GPRC5A: variants seen among roughly 807,000 people sequenced by gnomAD.
GPRC5A encodes retinoic acid-induced protein 3.
Under a neutral mutation model 22.5 loss-of-function variants are expected in GPRC5A, and 19 were observed. The ratio of observed to expected loss-of-function variants is 0.85; its 90% CI spans 0.59 to 1.24. GPRC5A has a LOEUF of 1.24. Ranked by LOEUF, GPRC5A falls within the 50% of genes most tolerant of loss-of-function variation. GPRC5A has a pLI of 0.00. For missense variants in GPRC5A, 471 were observed against 451.1 expected, an observed-to-expected ratio of 1.04 and a Z score of -0.40; for synonymous variants, 192 against 184.5, an observed-to-expected ratio of 1.04 and a Z score of -0.33.
At chr12:12,902,953 G>A (rs1203739061) in intron 1 of GPRC5A, among the ~76,000 whole-genome samples, 2 of 152,200 alleles carry the variant, frequency 1.3e-5, no homozygotes, top group African/African-American at 4.8e-5. Context: ...TGTAATCCCA[G>A]CTACTCGGGA....
chr12:12,909,300 T>A, intron 2 of GPRC5A, 129 bp downstream of exon 2: 1 of 697,374 alleles, frequency 1.4e-6, no homozygotes, highest in Non-Finnish European at 2.3e-6. Flanking sequence ...ATAAGTTCCT[T>A]AAGGCTCAGA....
chr12:12,910,108 C>T (rs973257611), intron 2 of GPRC5A, among the ~76,000 whole-genome samples: 1 of 152,080 alleles, frequency 6.6e-6, no homozygotes, highest in African/African-American at 2.4e-5. Flanking sequence ...TTTACACTGA[C>T]CTTTAAGTCT....
chr12:12,895,994 C>CAA (rs1323287104), intron 1 of GPRC5A, among the ~76,000 whole-genome samples: 51 of 12,848 alleles, frequency 4.0e-3, no homozygotes, highest in African/African-American at 0.013. Context: ...CTCTGTCTCA[C>CAA]AAAAAAAAAA....
chr12:12,905,081 C>T (rs900487781), intron 1 of GPRC5A, among the ~76,000 whole-genome samples: 12 of 152,192 alleles, frequency 7.9e-5, no homozygotes, highest in South Asian at 2.1e-4. Flanking sequence ...GACAGGGTTT[C>T]GCCATGTTGG....
intron 1 of GPRC5A, among the ~76,000 whole-genome samples, chr12:12,892,345 T>C (rs1863768824): frequency 6.6e-6 from 1 of 152,090 alleles, no homozygotes; most frequent in Non-Finnish European, 1.5e-5. Context: ...CCCTTAAACA[T>C]CCATGGGGAA....
Position 12,916,003 on chromosome 12 carries a change from A to G in GPRC5A, c.*3464A>G. ...GGTCTCACACCTTCTGCACATAAATAAGCTATTTTTAAAAGTTATTATTTT... is the reference window on the plus strand; with the variant it reads ...GGTCTCACACCTTCTGCACATAAATGAGCTATTTTTAAAAGTTATTATTTT... On this transcript the variant is annotated 3_prime_UTR_variant, in exon 4 of 4. Coordinates refer to ENST00000014914, the MANE Select transcript of GPRC5A (RefSeq NM_003979.4). 2.9e-6 allele frequency: 1 copy of G among 344,642 alleles called. No individual in the cohort carries two copies. Among genetic ancestry groups the G allele is most frequent in the East Asian group, 8.7e-5 (1 of 11,502 alleles). The allele number at this position is 344,642 out of a possible 1,614,324, so 21.3% of individuals were successfully genotyped here. A position where few individuals can be genotyped will look rare whatever the true frequency, so the allele number is the denominator to read the frequency against.
chr12:12,917,212 CTGTGTGTG>C lies in GPRC5A; in HGVS notation c.*4706_*4713del, dbSNP rs59601728. 0.033 allele frequency: 4,581 copies of C among 139,094 alleles called. 95 individuals carry two copies. The highest frequency in any genetic ancestry group is 0.057 in the Middle Eastern group (17 of 300). 8.6% of individuals were successfully genotyped at this position (139,094 alleles called of 1,614,324 possible). A position where few individuals can be genotyped will look rare whatever the true frequency, so the allele number is the denominator to read the frequency against. ...GGATGTTCCAAGGATGCTGCTGGATCTGTGTGTGTGTGTGTGTGTGTGTGTGTGTGTGT... is the reference window on the plus strand; with the variant it reads ...GGATGTTCCAAGGATGCTGCTGGATCTGTGTGTGTGTGTGTGTGTGTGTGT... On this transcript the variant is annotated 3_prime_UTR_variant, in exon 4 of 4. Coordinates refer to ENST00000014914, the MANE Select transcript of GPRC5A (RefSeq NM_003979.4).
intron 1 of GPRC5A, among the ~76,000 whole-genome samples, chr12:12,898,198 T>C (rs1863843199): frequency 6.6e-6 from 1 of 152,164 alleles, no homozygotes; most frequent in Non-Finnish European, 1.5e-5. Flanking sequence ...CCTCAGCTGT[T>C]AAAGGAAGGC....
intron 1 of GPRC5A, among the ~76,000 whole-genome samples, chr12:12,896,229 T>C (rs1385704881): frequency 6.6e-6 from 1 of 152,172 alleles, no homozygotes; most frequent in Non-Finnish European, 1.5e-5. Context: ...CAGGGAACTA[T>C]CTGGAAGTGT....
intron 1 of GPRC5A, among the ~76,000 whole-genome samples, chr12:12,904,015 A>G (rs112606919): frequency 6.6e-6 from 1 of 152,298 alleles, no homozygotes; most frequent in African/African-American, 2.4e-5. Flanking sequence ...ATTGGCAGAG[A>G]GGGGCAGGGA....
chr12:12,906,443 G>A (rs1863941568), intron 1 of GPRC5A, among the ~76,000 whole-genome samples: 1 of 152,074 alleles, frequency 6.6e-6, no homozygotes, highest in South Asian at 2.1e-4. Flanking sequence ...GGTGGCACAC[G>A]CCTGTAATCC....
chr12:12,912,454 C>T lies in GPRC5A; in HGVS notation c.989C>T (p.Pro330Leu). ...TGACTGTTTCCTTTTCAGAACCAGC[C>T]TCCCCAAAAGGAATTCTCCATCCCA... ...YSTHFQLQNQPPQKEFSIPRA... is the reference protein window; with the variant it reads ...YSTHFQLQNQLPQKEFSIPRA... Residue 330 changes from proline to leucine, a missense_variant, in exon 4 of 4, where the codon CCT (proline) becomes CTT (leucine). Coordinates refer to ENST00000014914, the MANE Select transcript of GPRC5A (RefSeq NM_003979.4). 6.2e-7 allele frequency: 1 copy of T among 1,607,292 alleles called. No individual in the cohort carries two copies. The highest frequency in any genetic ancestry group is 8.5e-7 in the Non-Finnish European group (1 of 1,173,688).
At chr12:12,903,713 C>G (rs1863912211) in intron 1 of GPRC5A, among the ~76,000 whole-genome samples, 2 of 152,184 alleles carry the variant, frequency 1.3e-5, no homozygotes, top group Non-Finnish European at 2.9e-5. Flanking sequence ...ACTGCCATTA[C>G]TTTTGTTGGA....
In GPRC5A at chr12:12,897,909, C is replaced by T. The variant is rs569289664; in HGVS notation, c.-8+6245C>T. Among the ~76,000 whole-genome samples the T allele has an allele frequency of 2.6e-5, 4 of 152,136 alleles. No homozygotes were observed. The East Asian group carries it at 5.8e-4, about 22-fold the overall frequency. ...ACAGGTGTGAGCCACTGCGCCCGGC[C>T]GATAATTTCTTTTTAACCTCCTTTG... On this transcript the variant is annotated intron_variant, in intron 1 of 3. Transcript: ENST00000014914.
intron 1 of GPRC5A, among the ~76,000 whole-genome samples, chr12:12,899,426 A>G (rs1224609738): frequency 1.3e-5 from 2 of 152,178 alleles, no homozygotes; most frequent in African/African-American, 2.4e-5. Context: ...CAGGGAGAAA[A>G]GCTCTAGAGA....
At position 12,908,474 on chromosome 12, in the gene GPRC5A, G is replaced by A. The variant is rs1316721323; in HGVS notation, c.225G>A (p.Val75=). 1 of 1,614,138 alleles carries A rather than the reference G, an allele frequency of 6.2e-7. No homozygotes were observed. The highest frequency in any genetic ancestry group is 2.2e-5 in the East Asian group (1 of 44,882). ...CTCAGTTTCTCTTCCTCCTGGGTGT[G>A]TTGGGCATCTTTGGCCTCACCTTCG... The part of the protein sequence containing the change: ...LPTQFLFLLG[V]LGIFGLTFAF... Residue 75 remains valine, a synonymous_variant, in exon 2 of 4, where the codon GTG becomes GTA. Coordinates refer to ENST00000014914, the MANE Select transcript of GPRC5A (RefSeq NM_003979.4).
chr12:12,910,722 C>T (rs113530096), intron 2 of GPRC5A, among the ~76,000 whole-genome samples: 1 of 152,146 alleles, frequency 6.6e-6, no homozygotes, highest in Admixed American at 6.6e-5. Flanking sequence ...ATCACTCCAC[C>T]CTGTGCATCT....
At chr12:12,899,743 C>T (rs2160667) in intron 1 of GPRC5A, among the ~76,000 whole-genome samples, 120,974 of 152,146 alleles carry the variant, frequency 0.8, 48,403 homozygotes, top group East Asian at 0.99. Flanking sequence ...TTACTACTGA[C>T]TGAATGTAGC....
intron 1 of GPRC5A, among the ~76,000 whole-genome samples, chr12:12,903,270 T>G (rs1198827370): frequency 6.6e-6 from 1 of 150,850 alleles, no homozygotes; most frequent in Non-Finnish European, 1.5e-5. Flanking sequence ...TGAAAACAAG[T>G]TTTTTTTTAA....
Sources: allele counts gnomAD v4.1 joint callset (sites outside exome capture counted in the v4.1 genomes callset), GRCh38; gene constraint gnomAD v4.1.1; transcripts MANE v1.5; gene names NCBI Gene and HGNC (gene_info 2026-07-23, HGNC 2026-07-21).